KCNAB1: variants seen among roughly 807,000 people sequenced by gnomAD.
KCNAB1 encodes potassium voltage-gated channel subfamily A regulatory beta subunit 1, also known as voltage-gated potassium channel subunit beta-1.
Under a neutral mutation model 64.6 loss-of-function variants are expected in KCNAB1, and 35 were observed. The observed-to-expected ratio is 0.54, with a 90% confidence interval of 0.41 to 0.72. KCNAB1 has a LOEUF of 0.72. Among genes scored for constraint, KCNAB1 ranks in the 30% least tolerant of loss-of-function variants. The pLI, the probability that KCNAB1 is intolerant of heterozygous loss-of-function variation, is 0.00. For synonymous variants in KCNAB1, 177 were observed against 183.8 expected (o/e 0.96, Z 0.30); for missense variants, 401 against 512.9 (o/e 0.78, Z 2.11).
intron 1 of KCNAB1, among the ~76,000 whole-genome samples, chr3:156,387,240 C>T (rs576279930): frequency 1.3e-5 from 2 of 152,072 alleles, no homozygotes; most frequent in African/African-American, 4.8e-5. Flanking sequence ...AGAATGACCA[C>T]CTTTGTGCTG....
At chr3:156,283,591 T>G (rs1719885797) in intron 1 of KCNAB1, among the ~76,000 whole-genome samples, 1 of 151,904 alleles carries the variant, frequency 6.6e-6, no homozygotes, top group Non-Finnish European at 1.5e-5. Flanking sequence ...TCCCCATCAC[T>G]TTCAGGTACA....
rs571503015 is a variant in KCNAB1 at position 156,224,451 on chromosome 3, C to T, written c.275+103565C>T. Among the ~76,000 whole-genome samples the T allele has an allele frequency of 2.6e-5, 4 of 151,690 alleles. No homozygotes were observed. In the South Asian group the frequency reaches 8.3e-4, roughly 31 times the overall value. On this transcript the variant is annotated intron_variant, in intron 1 of 13. Transcript: ENST00000490337. ...AGGCCGAGGAGGCGCCAAGAGCAAG[C>T]GAGGGCTGCGAGGGCTGCCAGCATG...
chr3:156,297,810 G>C (rs988363227), intron 1 of KCNAB1, among the ~76,000 whole-genome samples: 4 of 152,028 alleles, frequency 2.6e-5, no homozygotes, highest in Non-Finnish European at 4.4e-5. Flanking sequence ...GTGCATGCAA[G>C]TCTCCGTATG....
intron 1 of KCNAB1, among the ~76,000 whole-genome samples, chr3:156,244,399 A>G (rs1717338423): frequency 6.6e-6 from 1 of 152,208 alleles, no homozygotes; most frequent in Non-Finnish European, 1.5e-5. Flanking sequence ...ATCTGGGATT[A>G]TCTCCCCATC....
chr3:156,275,154 C>A (rs182261748), intron 1 of KCNAB1, among the ~76,000 whole-genome samples: 2 of 152,258 alleles, frequency 1.3e-5, no homozygotes, highest in Admixed American at 1.3e-4. Flanking sequence ...TCAGTTCACA[C>A]CACTAGAATA....
At position 156,396,133 on chromosome 3, in the gene KCNAB1, C is replaced by G. The variant is rs1001513869; in HGVS notation, c.276-25483C>G. 2.0e-5 allele frequency among the ~76,000 whole-genome samples: 3 copies of G among 152,132 alleles called. 1 individual carries two copies. Among genetic ancestry groups the G allele is most frequent in the African/African-American group, 7.2e-5 (3 of 41,422 alleles). ...TGACTCTGAAAGGCTTAAGAACACT[C>G]CTGTTTGGACAGGACTTATTTGTTT... On this transcript the variant is annotated intron_variant, in intron 1 of 13. Coordinates refer to ENST00000490337, the MANE Select transcript of KCNAB1 (RefSeq NM_172160.3).
intron 11 of KCNAB1, among the ~76,000 whole-genome samples, chr3:156,520,525 C>G (rs189850577): frequency 2.0e-4 from 30 of 152,292 alleles, no homozygotes; most frequent in Admixed American, 4.6e-4. Context: ...CTGCAGTGAG[C>G]TGAGGTCATG....
chr3:156,508,785 C>A lies in KCNAB1; in HGVS notation c.659-5579C>A, dbSNP rs1361731885. On this transcript the variant is annotated intron_variant, in intron 8 of 13. Coordinates refer to ENST00000490337, the MANE Select transcript of KCNAB1 (RefSeq NM_172160.3). This position sits in a 1 kb window ranked among gnomAD's most constrained non-coding sequence, Gnocchi z 4.1. ...TGGACCTGCAGCATTTATAGGGAGC[C>A]ACCTGTGTGCTAGGGATACAGGGAG... Among the ~76,000 whole-genome samples, 2 of 152,172 alleles carry A rather than the reference C, an allele frequency of 1.3e-5. No homozygotes were observed. The highest frequency in any genetic ancestry group is 2.9e-5 in the Non-Finnish European group (2 of 68,036).
chr3:156,120,954 A>G, intron 1 of KCNAB1, 68 bp downstream of exon 1: 2 of 1,562,218 alleles, frequency 1.3e-6, no homozygotes, highest in Non-Finnish European at 1.7e-6. Context: ...GAATGCTTTG[A>G]TTTCTTTTCC....
At chr3:156,270,756 T>G (rs1235881775) in intron 1 of KCNAB1, among the ~76,000 whole-genome samples, 1 of 152,208 alleles carries the variant, frequency 6.6e-6, no homozygotes, top group Non-Finnish European at 1.5e-5. Flanking sequence ...TAATATTCTG[T>G]GTACTTACTA....
intron 1 of KCNAB1, chr3:156,143,127 T>A: frequency 6.6e-7 from 1 of 1,512,170 alleles, no homozygotes; most frequent in Non-Finnish European, 8.8e-7. Flanking sequence ...ATACAGTGAG[T>A]CTTAAAGTTA....
At chr3:156,207,278 C>T (rs1238977160) in intron 1 of KCNAB1, among the ~76,000 whole-genome samples, 1 of 152,084 alleles carries the variant, frequency 6.6e-6, no homozygotes, top group Non-Finnish European at 1.5e-5. Context: ...ATTTATGTCC[C>T]CATTGGGTAT....
chr3:156,485,696 T>G (rs1328469890), intron 8 of KCNAB1, among the ~76,000 whole-genome samples: 1 of 152,004 alleles, frequency 6.6e-6, no homozygotes, highest in Non-Finnish European at 1.5e-5. Context: ...ATCACCCAAA[T>G]AGTGAACATT....
chr3:156,513,040 G>A (rs907588004), intron 8 of KCNAB1, among the ~76,000 whole-genome samples: 3 of 152,180 alleles, frequency 2.0e-5, no homozygotes, highest in Non-Finnish European at 4.4e-5. Context: ...GTGAAACCCT[G>A]TCTCTACCAA....
intron 1 of KCNAB1, among the ~76,000 whole-genome samples, chr3:156,299,441 G>A (rs1233575759): frequency 6.6e-6 from 1 of 152,184 alleles, no homozygotes; most frequent in Non-Finnish European, 1.5e-5. Context: ...CCAGATGATA[G>A]CATGCTTAGC....
chr3:156,402,038 G>A (rs1030672852), intron 1 of KCNAB1, among the ~76,000 whole-genome samples: 11 of 151,950 alleles, frequency 7.2e-5, no homozygotes, highest in African/African-American at 2.7e-4. Context: ...ATTAAGAGAA[G>A]TACCTAATGT....
chr3:156,494,429 C>T (rs1715854319), intron 8 of KCNAB1, among the ~76,000 whole-genome samples: 1 of 152,178 alleles, frequency 6.6e-6, no homozygotes, highest in South Asian at 2.1e-4. Context: ...TAAATTTAAA[C>T]ACCCTCCTTT....
At chr3:156,119,341 A>C (rs1713219298), upstream of KCNAB1, among the ~76,000 whole-genome samples, 1 of 152,188 alleles carries the variant, frequency 6.6e-6, no homozygotes, top group Admixed American at 6.5e-5. Context: ...AGGGATGAGA[A>C]TAGCAGTGAA....
At chr3:156,343,522 T>G (rs1294170012) in intron 1 of KCNAB1, among the ~76,000 whole-genome samples, 1 of 152,162 alleles carries the variant, frequency 6.6e-6, no homozygotes, top group Admixed American at 6.5e-5. Context: ...TTCAGCAAAT[T>G]GGCCTTCCGA....
Sources: allele counts gnomAD v4.1 joint callset (sites outside exome capture counted in the v4.1 genomes callset), GRCh38; gene constraint gnomAD v4.1.1; non-coding constraint Gnocchi (gnomAD v3.1); transcripts MANE v1.5; gene names NCBI Gene and HGNC (gene_info 2026-07-23, HGNC 2026-07-21).